The following ADCY7 variants were observed in gnomAD, a reference collection of about 807,000 sequenced individuals.
ADCY7 encodes adenylate cyclase 7.
Under a neutral mutation model 120.6 loss-of-function variants are expected in ADCY7, and 72 were observed. That is an observed-to-expected ratio of 0.60 (90% CI 0.49 to 0.73). The LOEUF (loss-of-function observed/expected upper bound fraction) is 0.73. ADCY7 is among the 30% of genes least tolerant of loss of function. ADCY7 has a pLI of 0.00. For synonymous variants in ADCY7, 661 were observed against 628.0 expected, an observed-to-expected ratio of 1.05 and a Z score of -0.78; for missense variants, 1,227 against 1,486.0, an observed-to-expected ratio of 0.83 and a Z score of 2.87.
At chr16:50,257,759 T>C (rs893753246) in intron 1 of ADCY7, among the ~76,000 whole-genome samples, 2 of 151,586 alleles carry the variant, frequency 1.3e-5, no homozygotes, top group African/African-American at 4.8e-5. Context: ...TTTTTTTTCT[T>C]TTTTTGAGAC....
intron 1 of ADCY7, among the ~76,000 whole-genome samples, chr16:50,272,416 G>A (rs1453947006): frequency 6.6e-6 from 1 of 152,218 alleles, no homozygotes; most frequent in East Asian, 1.9e-4. Context: ...ACTGCCTCGG[G>A]CGCAGCTGAC....
At chr16:50,266,106 G>GCCCCTCTT, upstream of ADCY7, among the ~76,000 whole-genome samples, 1 of 152,126 alleles carries the variant, frequency 6.6e-6, no homozygotes. Flanking sequence ...CCTCTCCTGG[G>GCCCCTCTT]CCCCTCTCAG....
chr16:50,262,227 C>T (rs2033077593), upstream of ADCY7, among the ~76,000 whole-genome samples: 1 of 151,940 alleles, frequency 6.6e-6, no homozygotes, highest in Non-Finnish European at 1.5e-5. Flanking sequence ...GCCACATATG[C>T]CTGGACCCTG....
chr16:50,309,545 C>T lies in ADCY7; in HGVS notation c.2062-3C>T. 6.2e-7 allele frequency: 1 copy of T among 1,613,740 alleles called. No individual in the cohort carries two copies. Reference sequence around the variant, plus strand: ...GACTGATGGGGACCTGTCTCCTCTACAGCCCCTGATGCCTTTCCAAGTTCC... The same window carrying T: ...GACTGATGGGGACCTGTCTCCTCTATAGCCCCTGATGCCTTTCCAAGTTCC... On this transcript the variant is annotated splice_region_variant and splice_polypyrimidine_tract_variant and intron_variant, in intron 17 of 25. Coordinates refer to ENST00000673801, the MANE Select transcript of ADCY7 (RefSeq NM_001114.5).
At chr16:50,290,768 T>G in intron 3 of ADCY7, 108 bp downstream of exon 3, 1 of 1,242,336 alleles carries the variant, frequency 8.0e-7, no homozygotes, top group Non-Finnish European at 1.1e-6. Flanking sequence ...GCTGTGTGTC[T>G]AGGATGGCCC....
chr16:50,314,458 C>T (rs776356935), intron 24 of ADCY7, 52 bp downstream of exon 24: 10 of 1,413,272 alleles, frequency 7.1e-6, no homozygotes, highest in Non-Finnish European at 6.0e-6. Context: ...TAGGCCAGTC[C>T]ACCCAGTCTG....
At chr16:50,270,817 T>G (rs1329970690) in intron 1 of ADCY7, among the ~76,000 whole-genome samples, 1 of 152,226 alleles carries the variant, frequency 6.6e-6, no homozygotes, top group Non-Finnish European at 1.5e-5. Context: ...GTGAAAACCC[T>G]TCCCAGGCAC....
chr16:50,271,809 G>T (rs1567536340), intron 1 of ADCY7, among the ~76,000 whole-genome samples: 1 of 152,172 alleles, frequency 6.6e-6, no homozygotes, highest in Non-Finnish European at 1.5e-5. Flanking sequence ...CTCCAGCATG[G>T]GGAGAAGAGG....
At chr16:50,282,143 C>T (rs904789185) in intron 1 of ADCY7, among the ~76,000 whole-genome samples, 5 of 152,338 alleles carry the variant, frequency 3.3e-5, no homozygotes, top group East Asian at 1.9e-4. Flanking sequence ...TGCTGAGGCT[C>T]GGCCGGAGGA....
In ADCY7 at chr16:50,292,841, C is replaced by T. The variant is rs202013636; in HGVS notation, c.687+16C>T. 2 of 1,611,664 alleles carry T rather than the reference C, an allele frequency of 1.2e-6. No individual in the cohort carries two copies. Among genetic ancestry groups the T allele is most frequent in the Non-Finnish European group, 1.7e-6 (2 of 1,179,550 alleles). On this transcript the variant is annotated intron_variant, in intron 5 of 25. Coordinates refer to ENST00000673801, the MANE Select transcript of ADCY7 (RefSeq NM_001114.5). ...GCGCCAGCAGGTGGGACCCGGCCCC[C>T]ACTCCTCACCCTGTACACCCCTGTC... is the stretch of plus-strand genomic sequence containing the variant.
Position 50,291,847 on chromosome 16 carries a change from G to A in ADCY7, c.487G>A (p.Gly163Ser), listed in dbSNP as rs200218186. ...VSTASHLLVL[G>S]SLMGGFTTPS... ...CACTGCCTCCCACCTCCTGGTGCTC[G>A]GTTCTTTGATGGGAGGCTTCACGAC... Residue 163 changes from glycine (G) to serine (S), a missense_variant, in exon 4 of 26, where the codon GGT becomes AGT. Physicochemically the swap from Gly to Ser is moderately conservative, Grantham distance 56. Around this residue, in one of 5 missense-constraint regions of ADCY7, gnomAD observed 382 missense variants for 411.4 expected, o/e 0.93. Transcript: ENST00000673801. 2.1e-5 allele frequency: 34 copies of A among 1,613,950 alleles called. 1 individual carries two copies. In the Admixed American group the frequency reaches 3.0e-4, roughly 14 times the overall value.
intron 1 of ADCY7, among the ~76,000 whole-genome samples, chr16:50,285,750 C>A (rs1018543732): frequency 2.0e-5 from 3 of 152,216 alleles, no homozygotes; most frequent in African/African-American, 7.2e-5. Context: ...AATATGGCAG[C>A]TGTCCCCAAG....
rs141353656 is a variant in ADCY7 at position 50,313,846 on chromosome 16, T to C, written c.2752-112T>C. The C allele has an allele frequency of 2.3e-4, 188 of 804,952 alleles. 1 individual carries two copies. The highest frequency in any genetic ancestry group is 2.2e-3 in the African/African-American group (130 of 58,616). The allele number at this position is 804,952 out of a possible 1,614,324, so 49.9% of individuals were successfully genotyped here. On this transcript the variant is annotated intron_variant, in intron 22 of 25. Coordinates refer to ENST00000673801, the MANE Select transcript of ADCY7 (RefSeq NM_001114.5). The stretch of plus-strand genomic sequence containing the variant: ...TGGCAGGGCAGCCATGAGACGTGTG[T>C]GCGAGAGGCGGCGATGGGTGGAGGG...
At position 50,287,925 on chromosome 16, in the gene ADCY7, C is replaced by T. The variant is rs1042459799; in HGVS notation, c.-255C>T. 2.3e-5 allele frequency: 10 copies of T among 432,650 alleles called. No homozygotes were observed. The highest frequency in any genetic ancestry group is 2.0e-4 in the South Asian group (4 of 20,290). 26.8% of individuals were successfully genotyped at this position (432,650 alleles called of 1,614,324 possible). ...TCGTCTCCGCAGAGCTGAGGAACTG[C>T]GTGTGGAGTCAGCCCAGTCTGGATG... On this transcript the variant is annotated 5_prime_UTR_variant, in exon 2 of 26. Coordinates refer to ENST00000673801, the MANE Select transcript of ADCY7 (RefSeq NM_001114.5).
intron 1 of ADCY7, among the ~76,000 whole-genome samples, chr16:50,287,679 T>TGAA (rs2034664848): frequency 9.9e-6 from 1 of 101,480 alleles, no homozygotes; most frequent in East Asian, 4.5e-4. Context: ...GGCCCTGTCT[T>TGAA]GAAAAAAAAA....
At chr16:50,312,786 C>A in intron 21 of ADCY7, 104 bp from the exon 22 acceptor site, 1 of 1,015,272 alleles carries the variant, frequency 9.8e-7, no homozygotes, top group Non-Finnish European at 1.4e-6. Flanking sequence ...TCCCCGAAAG[C>A]TGGGCTGGGC....
intron 1 of ADCY7, among the ~76,000 whole-genome samples, chr16:50,259,474 T>C (rs1173914112): frequency 6.6e-6 from 1 of 152,182 alleles, no homozygotes; most frequent in East Asian, 1.9e-4. Flanking sequence ...TTCACATCTG[T>C]TCTTTTAGGA....
At chr16:50,312,311 C>G in intron 21 of ADCY7, 120 bp downstream of exon 21, 1 of 1,137,818 alleles carries the variant, frequency 8.8e-7, no homozygotes, top group Non-Finnish European at 1.3e-6. Context: ...CCTGGCCTCA[C>G]CGGGATGCCC....
At chr16:50,277,745 A>G (rs556350224) in intron 1 of ADCY7, among the ~76,000 whole-genome samples, 38 of 144,038 alleles carry the variant, frequency 2.6e-4, no homozygotes, top group Non-Finnish European at 4.9e-4. Context: ...ATTTCAGCTC[A>G]CTGCAAGCTC....
Sources: allele counts gnomAD v4.1 joint callset (sites outside exome capture counted in the v4.1 genomes callset), GRCh38; gene constraint gnomAD v4.1.1; regional missense constraint gnomAD v4.1.1; transcripts MANE v1.5; gene names NCBI Gene and HGNC (gene_info 2026-07-23, HGNC 2026-07-21).